The following DACH1 variants were observed in gnomAD, a reference collection of about 807,000 sequenced individuals.
DACH1 encodes dachshund family transcription factor 1.
A neutral mutation model predicts 54.2 loss-of-function variants in DACH1; 12 were observed. The ratio of observed to expected loss-of-function variants is 0.22; its 90% CI spans 0.14 to 0.36. DACH1 has a LOEUF of 0.36. DACH1 is among the 10% of genes least tolerant of loss of function. DACH1 has a pLI of 1.00. For synonymous variants in DACH1, 386 were observed against 366.2 expected (o/e 1.05, Z -0.62); for missense variants, 805 against 929.8 (o/e 0.87, Z 1.75).
intron 4 of DACH1, among the ~76,000 whole-genome samples, 189 bp from the exon 5 acceptor site, chr13:71,560,144 T>C (rs1183547739): frequency 6.6e-6 from 1 of 152,152 alleles, no homozygotes; most frequent in East Asian, 1.9e-4. Context: ...AAAAAGATGG[T>C]CTATGAAACT....
chr13:71,608,546 C>T (rs373513448), intron 3 of DACH1, among the ~76,000 whole-genome samples: 1 of 152,004 alleles, frequency 6.6e-6, no homozygotes, highest in African/African-American at 2.4e-5. Flanking sequence ...TAAAAATAAA[C>T]TTTACTCTCA....
intron 2 of DACH1, among the ~76,000 whole-genome samples, chr13:71,648,536 ATAAT>A (rs1594042656): frequency 6.6e-6 from 1 of 152,194 alleles, no homozygotes; most frequent in Admixed American, 6.5e-5. Flanking sequence ...CAGGAAAAAA[ATAAT>A]TAATTAAAAG....
At chr13:71,676,997 T>C (rs1880613329) in intron 2 of DACH1, among the ~76,000 whole-genome samples, 1 of 152,228 alleles carries the variant, frequency 6.6e-6, no homozygotes, top group Admixed American at 6.5e-5. Context: ...AGGCAAATAC[T>C]GAGGACTCAA....
intron 6 of DACH1, among the ~76,000 whole-genome samples, chr13:71,555,911 C>T (rs955954154): frequency 1.3e-5 from 2 of 152,010 alleles, no homozygotes; most frequent in Non-Finnish European, 2.9e-5. Flanking sequence ...TCAATTATGC[C>T]TAGATGTTAA....
intron 2 of DACH1, among the ~76,000 whole-genome samples, chr13:71,664,327 T>C (rs1022079672): frequency 6.6e-6 from 1 of 152,048 alleles, no homozygotes; most frequent in African/African-American, 2.4e-5. Context: ...TTCATTTTTC[T>C]ATCAAGACTA....
intron 2 of DACH1, among the ~76,000 whole-genome samples, chr13:71,663,513 T>C (rs1443536523): frequency 6.6e-6 from 1 of 151,892 alleles, no homozygotes. Flanking sequence ...GGAGAAAAGA[T>C]TCAAGGGTTG....
rs541872313 is a variant in DACH1 at position 71,643,079 on chromosome 13, TTTC to T, written c.965-12365_965-12363del. 5.1e-3 allele frequency among the ~76,000 whole-genome samples: 774 copies of T among 152,266 alleles called. 4 individuals carry two copies. The highest frequency in any genetic ancestry group is 8.0e-3 in the Non-Finnish European group (544 of 68,018). ...ATTATTATATTTTATTATTGTTACT[TTTC>T]TTCTTAAGATGAAGTTATTAAATAT... On this transcript the variant is annotated intron_variant, in intron 2 of 10. Transcript: ENST00000613252.
intron 1 of DACH1, among the ~76,000 whole-genome samples, chr13:71,813,739 T>C (rs569703244): frequency 1.3e-5 from 2 of 152,298 alleles, no homozygotes; most frequent in Admixed American, 1.3e-4. Flanking sequence ...AGGCATGTCA[T>C]ATCAATATTT....
chr13:71,859,971 A>G (rs551539417), intron 1 of DACH1, among the ~76,000 whole-genome samples: 26 of 151,890 alleles, frequency 1.7e-4, no homozygotes, highest in South Asian at 4.1e-4. Context: ...TGAGATGTAC[A>G]TATCTGTGCA....
intron 3 of DACH1, among the ~76,000 whole-genome samples, chr13:71,590,553 C>T (rs1287811873): frequency 1.3e-5 from 2 of 152,138 alleles, no homozygotes; most frequent in East Asian, 1.9e-4. Flanking sequence ...GTGAAGGATA[C>T]ATTTTCATAT....
intron 1 of DACH1, among the ~76,000 whole-genome samples, chr13:71,802,063 C>T (rs1310843521): frequency 6.6e-6 from 1 of 151,974 alleles, no homozygotes; most frequent in Non-Finnish European, 1.5e-5. Context: ...ATTTCAATTT[C>T]TAGGAAGTGC....
intron 2 of DACH1, among the ~76,000 whole-genome samples, chr13:71,654,287 G>A (rs963558840): frequency 1.3e-5 from 2 of 151,512 alleles, no homozygotes; most frequent in African/African-American, 4.9e-5. Context: ...CAACTCGGGA[G>A]GCTGAGGCAG....
intron 2 of DACH1, among the ~76,000 whole-genome samples, chr13:71,632,377 C>T (rs1877167135): frequency 6.6e-6 from 1 of 151,016 alleles, no homozygotes; most frequent in African/African-American, 2.4e-5. Flanking sequence ...ATTCTAAAAC[C>T]TTAAGTCTAT....
chr13:71,699,656 G>T (rs912420179), intron 1 of DACH1, among the ~76,000 whole-genome samples: 1 of 152,186 alleles, frequency 6.6e-6, no homozygotes, highest in African/African-American at 2.4e-5. Context: ...GGAGAATCTT[G>T]CTGGACAAGA....
intron 6 of DACH1, among the ~76,000 whole-genome samples, chr13:71,515,116 A>C (rs1593818172): frequency 6.6e-6 from 1 of 152,054 alleles, no homozygotes; most frequent in South Asian, 2.1e-4. Context: ...ATATTTTTCC[A>C]GAATACATTT....
intron 1 of DACH1, among the ~76,000 whole-genome samples, chr13:71,723,573 G>T (rs1297884686): frequency 6.6e-6 from 1 of 152,042 alleles, no homozygotes; most frequent in Non-Finnish European, 1.5e-5. Context: ...TGCATTTGAC[G>T]CAATAAAATC....
chr13:71,762,203 A>G (rs937776001), intron 1 of DACH1, among the ~76,000 whole-genome samples: 3 of 152,086 alleles, frequency 2.0e-5, no homozygotes, highest in Admixed American at 6.6e-5. Flanking sequence ...TATCACTTAA[A>G]TCGACTTACT....
intron 1 of DACH1, among the ~76,000 whole-genome samples, chr13:71,705,364 T>A (rs1473878243): frequency 1.5e-5 from 2 of 133,276 alleles, no homozygotes; most frequent in Non-Finnish European, 2.9e-5. Context: ...GACCGAAATG[T>A]TGTTGGCTAC....
chr13:71,864,180 T>TAC (rs55651625), intron 1 of DACH1, among the ~76,000 whole-genome samples: 11,656 of 108,348 alleles, frequency 0.11, 525 homozygotes, highest in South Asian at 0.19. Context: ...CGCGCGCACA[T>TAC]ACACACACAC....
Sources: allele counts gnomAD v4.1 joint callset (sites outside exome capture counted in the v4.1 genomes callset), GRCh38; gene constraint gnomAD v4.1.1; transcripts MANE v1.5; gene names NCBI Gene and HGNC (gene_info 2026-07-23, HGNC 2026-07-21).